The following ADARB2 variants were observed in gnomAD, a reference collection of about 807,000 sequenced individuals.
ADARB2 encodes adenosine deaminase RNA specific B2 (inactive), also known as inactive double-stranded RNA-specific editase B2.
A neutral mutation model predicts 62.2 loss-of-function variants in ADARB2; 25 were observed. That is an observed-to-expected ratio of 0.40 (90% CI 0.29 to 0.56). The LOEUF (loss-of-function observed/expected upper bound fraction) is 0.56. Among genes scored for constraint, ADARB2 ranks in the 20% least tolerant of loss-of-function variants. The probability of loss-of-function intolerance (pLI) is 0.43; values close to 1 mark genes in which losing one functional copy is unlikely to be tolerated. For synonymous variants in ADARB2, 572 were observed against 500.8 expected (o/e 1.14, Z -1.90); for missense variants, 1,071 against 1,077.4 (o/e 0.99, Z 0.08).
chr10:1,314,178 C>G lies in ADARB2; in HGVS notation c.1078-43109G>C, dbSNP rs79629721. On this transcript the variant is annotated intron_variant, in intron 3 of 9. Coordinates refer to ENST00000381312, the MANE Select transcript of ADARB2 (RefSeq NM_018702.4). ...GTCTTCCCATTGCTCTAGGAACCATCATAATCATTTTGAAAACCACCAAGA... is the reference window on the plus strand; with the variant it reads ...GTCTTCCCATTGCTCTAGGAACCATGATAATCATTTTGAAAACCACCAAGA... Among the ~76,000 whole-genome samples the G allele has an allele frequency of 7.3e-3, 1,105 of 152,308 alleles. 16 individuals are homozygous for G. Among genetic ancestry groups the G allele is most frequent in the African/African-American group, 0.024 (1,009 of 41,572 alleles).
intron 1 of ADARB2, among the ~76,000 whole-genome samples, chr10:1,484,761 T>C (rs542790985): frequency 2.4e-4 from 36 of 152,222 alleles, no homozygotes; most frequent in Admixed American, 2.0e-3. Flanking sequence ...TAGGTACATA[T>C]ACAGGGAGGG....
chr10:1,278,252 A>G (rs1416826168), intron 3 of ADARB2, among the ~76,000 whole-genome samples: 3 of 150,572 alleles, frequency 2.0e-5, no homozygotes, highest in Admixed American at 1.3e-4. Flanking sequence ...AAGTGCTGGG[A>G]TTACAGGTGT....
At chr10:1,537,866 G>A (rs1182815761) in intron 1 of ADARB2, among the ~76,000 whole-genome samples, 3 of 152,142 alleles carry the variant, frequency 2.0e-5, no homozygotes, top group South Asian at 2.1e-4. Context: ...AATGCATGCC[G>A]GTCTTAAAAC....
At chr10:1,533,434 G>A (rs184923234) in intron 1 of ADARB2, among the ~76,000 whole-genome samples, 6 of 151,824 alleles carry the variant, frequency 4.0e-5, no homozygotes, top group African/African-American at 7.3e-5. Context: ...TTTTAATCAC[G>A]ACCAAACATC....
intron 1 of ADARB2, among the ~76,000 whole-genome samples, chr10:1,454,340 C>A (rs1397658422): frequency 3.3e-5 from 5 of 152,082 alleles, no homozygotes; most frequent in African/African-American, 4.8e-5. Flanking sequence ...CAGAGCCAAA[C>A]CATATCATAG....
In ADARB2 at chr10:1,242,144, C is replaced by G. The variant is rs1830931078; in HGVS notation, c.1348G>C (p.Glu450Gln). 1 of 1,607,678 alleles carries G rather than the reference C, an allele frequency of 6.2e-7. No individual in the cohort carries two copies. Among genetic ancestry groups the G allele is most frequent in the African/African-American group, 1.3e-5 (1 of 74,914 alleles). ...AFLHFLYTQLELHLSKRREDS... is the reference protein window; with the variant it reads ...AFLHFLYTQLQLHLSKRREDS... ...CCAGCCGCTCACCTCAGGTGCAGCT[C>G]CAGCTGCGTGTAGAGGAAGTGCAGG... The change falls in exon 5 of 10, where the codon GAG (glutamate) becomes CAG (glutamine). Residue 450 changes from glutamate (E) to glutamine (Q), a missense_variant. Transcript: ENST00000381312.
intron 1 of ADARB2, among the ~76,000 whole-genome samples, chr10:1,509,664 T>C (rs113529186): frequency 1.2e-3 from 184 of 152,362 alleles, no homozygotes; most frequent in African/African-American, 4.3e-3. Flanking sequence ...GAGAAAAGGA[T>C]GTGTAAGTGG....
chr10:1,482,863 A>G (rs780800932), intron 1 of ADARB2, among the ~76,000 whole-genome samples: 2 of 152,116 alleles, frequency 1.3e-5, no homozygotes, highest in African/African-American at 4.8e-5. Flanking sequence ...ATTGTTCCCT[A>G]TGAATAGCAA....
rs184096459 is a variant in ADARB2, at chr10:1,704,224, A to G, written c.100+32827T>C. Among the ~76,000 whole-genome samples the G allele has an allele frequency of 2.4e-4, 37 of 152,316 alleles. No homozygotes were observed. Among genetic ancestry groups the G allele is most frequent in the African/African-American group, 8.2e-4 (34 of 41,576 alleles). ...GCAGGGATGGTTTCAGGATGATTCAAGCACATTATATTTATTGTGCACTTT... is the reference window on the plus strand; with the variant it reads ...GCAGGGATGGTTTCAGGATGATTCAGGCACATTATATTTATTGTGCACTTT... On this transcript the variant is annotated intron_variant, in intron 1 of 9. Coordinates refer to ENST00000381312, the MANE Select transcript of ADARB2 (RefSeq NM_018702.4). The surrounding 1 kb of genome is among the most constrained non-coding windows in gnomAD (Gnocchi z 5.6).
At chr10:1,450,739 C>A (rs915476649) in intron 1 of ADARB2, among the ~76,000 whole-genome samples, 1 of 152,212 alleles carries the variant, frequency 6.6e-6, no homozygotes, top group Non-Finnish European at 1.5e-5. Flanking sequence ...GAGACAGAAG[C>A]CCCTGCTTGC....
At chr10:1,257,482 G>T (rs1459459399) in intron 4 of ADARB2, among the ~76,000 whole-genome samples, 1 of 152,188 alleles carries the variant, frequency 6.6e-6, no homozygotes, top group Non-Finnish European at 1.5e-5. Context: ...GGGATCAGAT[G>T]CCCATCCCCT....
intron 1 of ADARB2, among the ~76,000 whole-genome samples, chr10:1,606,056 A>G (rs1833489657): frequency 6.6e-6 from 1 of 152,206 alleles, no homozygotes. Context: ...TACAATATGT[A>G]TATTTCTTTC....
chr10:1,270,704 C>A (rs1047683932), intron 4 of ADARB2, among the ~76,000 whole-genome samples: 4 of 152,334 alleles, frequency 2.6e-5, no homozygotes, highest in African/African-American at 9.6e-5. Context: ...AGGGGCTGGC[C>A]AGGCCCCCCA....
intron 1 of ADARB2, among the ~76,000 whole-genome samples, chr10:1,620,636 T>G (rs544442810): frequency 2.0e-5 from 3 of 152,230 alleles, no homozygotes; most frequent in African/African-American, 7.2e-5. Context: ...TGTTCTAATA[T>G]TATATTGATA....
intron 1 of ADARB2, among the ~76,000 whole-genome samples, chr10:1,652,820 C>T (rs941789565): frequency 2.0e-5 from 3 of 152,104 alleles, no homozygotes; most frequent in Non-Finnish European, 4.4e-5. Context: ...CTCTTATCAC[C>T]CCCCAAGACT....
At chr10:1,725,921 C>A (rs7099131) in intron 1 of ADARB2, among the ~76,000 whole-genome samples, 144,860 of 152,310 alleles carry the variant, frequency 0.95, 69,293 homozygotes, top group East Asian at 1. Context: ...TTTTCATAGT[C>A]AAGAGTACAG....
chr10:1,225,540 T>C (rs1049422311), intron 6 of ADARB2, among the ~76,000 whole-genome samples: 2 of 152,262 alleles, frequency 1.3e-5, no homozygotes, highest in African/African-American at 2.4e-5. Context: ...GTTTTTGCAG[T>C]GGCTGGTACC....
chr10:1,624,189 G>A (rs1833740055), intron 1 of ADARB2, among the ~76,000 whole-genome samples: 1 of 152,056 alleles, frequency 6.6e-6, no homozygotes, highest in Non-Finnish European at 1.5e-5. Flanking sequence ...GGCTTTGAAG[G>A]CATCACTCCA....
intron 1 of ADARB2, among the ~76,000 whole-genome samples, chr10:1,498,632 T>C (rs752289552): frequency 1.3e-5 from 2 of 152,182 alleles, no homozygotes; most frequent in African/African-American, 2.4e-5. Flanking sequence ...TTTTAATGTG[T>C]TCAAAATATA....
Sources: allele counts gnomAD v4.1 joint callset (sites outside exome capture counted in the v4.1 genomes callset), GRCh38; gene constraint gnomAD v4.1.1; non-coding constraint Gnocchi (gnomAD v3.1); transcripts MANE v1.5; gene names NCBI Gene and HGNC (gene_info 2026-07-23, HGNC 2026-07-21).